TINCR: variants seen among roughly 807,000 people sequenced by gnomAD.
The protein encoded by TINCR is TINCR-encoded ubiquitin-like protein.
At chr19:5,558,211 A>T (rs996545985), downstream of TINCR, 2 of 152,244 alleles carry the variant, frequency 1.3e-5, no homozygotes, top group Non-Finnish European at 1.5e-5. Flanking sequence ...CTCTCAAAAC[A>T]GCATTTCTGT....
intron 1 of TINCR, among the ~76,000 whole-genome samples, chr19:5,567,163 CAA>C (rs1333688980): frequency 6.8e-6 from 1 of 147,350 alleles, no homozygotes; most frequent in East Asian, 2.1e-4. Context: ...GAGACAGAAA[CAA>C]GAGGGAGACA....
intron 1 of TINCR, among the ~76,000 whole-genome samples, chr19:5,567,041 CAGAG>C (rs1337640664): frequency 2.0e-5 from 3 of 151,046 alleles, no homozygotes; most frequent in Non-Finnish European, 4.4e-5. Context: ...GAGAGACACA[CAGAG>C]AGGAAAAAAC....
intron 1 of TINCR, 42 bp downstream of exon 1, chr19:5,567,623 G>GCCCCCCCCCCCCC: frequency 9.1e-6 from 3 of 328,346 alleles, no homozygotes; most frequent in Non-Finnish European, 1.1e-5. Context: ...GGGGTCCCCG[G>GCCCCCCCCCCCCC]CCGCCGCCCC....
downstream of TINCR, chr19:5,561,721 G>C (rs1189402541): frequency 6.6e-6 from 1 of 152,156 alleles, no homozygotes; most frequent in African/African-American, 2.4e-5. Context: ...CTTGGAACTT[G>C]GCTGTTTTCT....
chr19:5,561,612 C>G (rs2052102333), downstream of TINCR: 1 of 152,104 alleles, frequency 6.6e-6, no homozygotes, highest in South Asian at 2.1e-4. Flanking sequence ...TTTTTTCTTT[C>G]TTTTTTTTGA....
rs548628137 is a variant in TINCR at position 5,563,760 on chromosome 19, A to T, written c.261-811T>A. Among the ~76,000 whole-genome samples, 99 of 152,096 alleles carry T rather than the reference A, an allele frequency of 6.5e-4. No homozygotes were observed. Among genetic ancestry groups the T allele is most frequent in the Non-Finnish European group, 9.9e-4 (67 of 67,978 alleles). ...TGAAACGGTCTCTACTAAAAATACA[A>T]AAAAATTAGCCAGGCATGGTGGCGG... is the stretch of plus-strand genomic sequence containing the variant. On this transcript the variant is annotated intron_variant, in intron 1 of 1. Coordinates refer to ENST00000646160, the Ensembl canonical transcript of TINCR. This position sits in a 1 kb window ranked among gnomAD's most constrained non-coding sequence, Gnocchi z 4.7.
chr19:5,561,796 T>C (rs1289595582), downstream of TINCR: 4 of 152,042 alleles, frequency 2.6e-5, no homozygotes, highest in Admixed American at 2.6e-4. Context: ...CAAAGCTCAA[T>C]CCTTTATTGT....
intron 1 of TINCR, among the ~76,000 whole-genome samples, chr19:5,564,513 G>A (rs965007521): frequency 5.9e-5 from 5 of 85,114 alleles, no homozygotes; most frequent in African/African-American, 2.3e-4. Context: ...CTGTGTGTGT[G>A]GTCAGGGATG....
chr19:5,565,344 T>TGATCC lies in TINCR; in HGVS notation c.260+2316_260+2320dup, dbSNP rs2052122978. 6.6e-6 allele frequency among the ~76,000 whole-genome samples: 1 copy of TGATCC among 152,168 alleles called. No homozygotes were observed. Among genetic ancestry groups the TGATCC allele is most frequent in the African/African-American group, 2.4e-5 (1 of 41,440 alleles). Reference sequence around the variant, plus strand: ...TTCCGGAGAGGCGTCCCCCAGTCACTGATCCCTCTCCACCTTCCCTGCATC... The same window carrying TGATCC: ...TTCCGGAGAGGCGTCCCCCAGTCACTGATCCGATCCCTCTCCACCTTCCCTGCATC... On this transcript the variant is annotated intron_variant, in intron 1 of 1. Transcript: ENST00000646160. The surrounding 1 kb of genome is among the most constrained non-coding windows in gnomAD (Gnocchi z 4.0).
chr19:5,564,943 G>C (rs1482344766), intron 1 of TINCR, among the ~76,000 whole-genome samples: 1 of 152,042 alleles, frequency 6.6e-6, no homozygotes, highest in Non-Finnish European at 1.5e-5. Flanking sequence ...CCTCACCCTG[G>C]TCTCCTGTCT....
chr19:5,558,764 CG>C (rs1240038452), downstream of TINCR: 1 of 152,238 alleles, frequency 6.6e-6, no homozygotes, highest in African/African-American at 2.4e-5. Context: ...CTGCTTTCCT[CG>C]GTGTGGCTGT....
At chr19:5,560,675 G>T, downstream of TINCR, 1 of 152,442 alleles carries the variant, frequency 6.6e-6, no homozygotes, top group Non-Finnish European at 1.5e-5. The surrounding 1 kb of genome is among the most constrained non-coding windows in gnomAD (Gnocchi z 4.5). Context: ...CTTCCCCGCT[G>T]CCCCAAGACC....
chr19:5,567,623 G>GCCCCCCCCCCCCCCCCCCCCCCCCCCC, intron 1 of TINCR, 42 bp downstream of exon 1: 3 of 328,350 alleles, frequency 9.1e-6, no homozygotes, highest in East Asian at 4.6e-5. Context: ...GGGGTCCCCG[G>GCCCCCCCCCCCCCCCCCCCCCCCCCCC]CCGCCGCCCC....
chr19:5,567,035 G>C (rs1216581069), intron 1 of TINCR, among the ~76,000 whole-genome samples: 4 of 151,630 alleles, frequency 2.6e-5, no homozygotes, highest in Admixed American at 2.0e-4. Context: ...GATGGAGAGA[G>C]ACACACAGAG....
At chr19:5,562,002 C>T (rs1320741392), downstream of TINCR, 1 of 152,632 alleles carries the variant, frequency 6.6e-6, no homozygotes, top group African/African-American at 2.4e-5. This position sits in a 1 kb window ranked among gnomAD's most constrained non-coding sequence, Gnocchi z 4.4. Flanking sequence ...CTCTTCTCCT[C>T]TCTGGGCCTC....
downstream of TINCR, chr19:5,559,334 CTTTTTTTTT>C (rs139980198): frequency 2.3e-5 from 3 of 131,834 alleles, no homozygotes; most frequent in Non-Finnish European, 3.2e-5. Context: ...GGCTGTCAAT[CTTTTTTTTT>C]TTTTTTTTTG....
At position 5,563,718 on chromosome 19, in the gene TINCR, C is replaced by T. The variant is rs2052112996; in HGVS notation, c.261-769G>A. 6.6e-6 allele frequency among the ~76,000 whole-genome samples: 1 copy of T among 152,096 alleles called. No individual in the cohort carries two copies. The highest frequency in any genetic ancestry group is 2.4e-5 in the African/African-American group (1 of 41,414). The stretch of plus-strand genomic sequence containing the variant: ...TCACCTGAGGTTAGGAGTTTGAGAC[C>T]AGCCTGGCCAACATGGTGAAACGGT... On this transcript the variant is annotated intron_variant, in intron 1 of 1. Transcript: ENST00000646160. The surrounding 1 kb of genome is among the most constrained non-coding windows in gnomAD (Gnocchi z 4.7).
intron 1 of TINCR, 36 bp downstream of exon 1, chr19:5,567,629 G>GGCCCCCCCCCC: frequency 5.5e-6 from 1 of 181,986 alleles, no homozygotes; most frequent in Admixed American, 6.5e-5. Context: ...CCCGGCCGCC[G>GGCCCCCCCCCC]CCCCCGCCCC....
intron 1 of TINCR, among the ~76,000 whole-genome samples, chr19:5,567,246 AAGAG>A (rs2052134764): frequency 1.3e-5 from 2 of 151,988 alleles, no homozygotes; most frequent in African/African-American, 2.4e-5. Context: ...ACAGAGATAA[AAGAG>A]AGACACAGAC....
Sources: gnomAD v4.1 joint callset for allele counts (sites outside exome capture counted in the v4.1 genomes callset) on GRCh38, gnomAD v4.1.1 for gene constraint, Gnocchi (gnomAD v3.1) non-coding constraint, MANE v1.5 for transcripts, NCBI Gene and HGNC (gene_info 2026-07-23, HGNC 2026-07-21) for gene names.